NAV2: variants seen among roughly 807,000 people sequenced by gnomAD.
NAV2 encodes helicase, APC down-regulated 1.
A neutral mutation model predicts 223.2 loss-of-function variants in NAV2; 54 were observed. The ratio of observed to expected loss-of-function variants is 0.24; its 90% confidence interval spans 0.19 to 0.30. The LOEUF (loss-of-function observed/expected upper bound fraction) is 0.30, where lower values mean the gene tolerates loss of function less well. Ranked by LOEUF, NAV2 falls within the 10% of genes least tolerant of loss-of-function variation. The probability of loss-of-function intolerance (pLI) is 1.00; values close to 1 mark genes in which losing one functional copy is unlikely to be tolerated. For missense variants in NAV2, 2,806 were observed against 3,147.5 expected (o/e 0.89, Z 2.60); for synonymous variants, 1,279 against 1,239.3 (o/e 1.03, Z -0.67).
At chr11:19,494,430 C>G (rs1027957909) in intron 1 of NAV2, among the ~76,000 whole-genome samples, 1 of 152,184 alleles carries the variant, frequency 6.6e-6, no homozygotes, top group Admixed American at 6.5e-5. Context: ...AATATGTGCT[C>G]TTTGTTAGGA....
At chr11:20,050,509 C>G (rs916703270) in intron 16 of NAV2, among the ~76,000 whole-genome samples, 1 of 151,224 alleles carries the variant, frequency 6.6e-6, no homozygotes, top group African/African-American at 2.4e-5. Context: ...TGGATACTGT[C>G]CTTAATTTTG....
chr11:19,933,862 G>T lies in NAV2; in HGVS notation c.1618G>T (p.Ala540Ser). The T allele has an allele frequency of 6.2e-7, 1 of 1,604,190 alleles. No individual in the cohort carries two copies. Among genetic ancestry groups the T allele is most frequent in the African/African-American group, 1.3e-5 (1 of 74,100 alleles). Residue 540 changes from alanine to serine, a missense_variant, in exon 7 of 38, where the codon GCC becomes TCC. Around this residue, in one of 4 missense-constraint regions of NAV2, gnomAD observed 1,167 missense variants for 1,180.5 expected, o/e 0.99. Coordinates refer to ENST00000349880, the MANE Select transcript of NAV2 (RefSeq NM_145117.5). The surrounding 1 kb of genome is among the most constrained non-coding windows in gnomAD (Gnocchi z 4.3). ...GATGCCAAAAAAGTCCTCCAAGATTGCCAGCTTCATCCCCAAAGGGGGGAA... is the reference window on the plus strand; with the variant it reads ...GATGCCAAAAAAGTCCTCCAAGATTTCCAGCTTCATCCCCAAAGGGGGGAA... ...PEMPKKSSKI[A>S]SFIPKGGKLN...
At chr11:19,493,164 G>T (rs1308956114) in intron 1 of NAV2, among the ~76,000 whole-genome samples, 2 of 150,990 alleles carry the variant, frequency 1.3e-5, no homozygotes, top group African/African-American at 2.4e-5. Flanking sequence ...CTACTCCCCT[G>T]CCCCCTCCCC....
intron 1 of NAV2, among the ~76,000 whole-genome samples, chr11:19,671,681 T>G (rs2135809538): frequency 6.6e-6 from 1 of 152,348 alleles, no homozygotes; most frequent in South Asian, 2.1e-4. Context: ...TCATAAATGT[T>G]TCAGGCTTTG....
In NAV2 at chr11:20,049,904, A is replaced by AATG; in HGVS notation, c.4436+5_4436+7dup. 1 of 1,614,036 alleles carries AATG rather than the reference A, an allele frequency of 6.2e-7. No individual in the cohort carries two copies. Among genetic ancestry groups the AATG allele is most frequent in the Non-Finnish European group, 8.5e-7 (1 of 1,179,922 alleles). ...ACTCTGCCCAGGAAACAGGACAGGT[A>AATG]ATGACATTGCAGGCCGGGGACCAAC... On this transcript the variant is annotated splice_donor_region_variant and intron_variant, in intron 16 of 37. Transcript: ENST00000349880.
chr11:19,687,345 C>A (rs1196836900), intron 1 of NAV2, among the ~76,000 whole-genome samples: 1 of 152,190 alleles, frequency 6.6e-6, no homozygotes, highest in East Asian at 1.9e-4. Context: ...TCCCTCTCAG[C>A]CATAACCTGG....
intron 6 of NAV2, among the ~76,000 whole-genome samples, chr11:19,904,200 A>G (rs550322505): frequency 6.6e-6 from 1 of 152,332 alleles, no homozygotes; most frequent in East Asian, 1.9e-4. Flanking sequence ...TTTATTATAC[A>G]TTCATGTACT....
intron 1 of NAV2, among the ~76,000 whole-genome samples, chr11:19,557,861 G>A (rs533616203): frequency 7.9e-5 from 12 of 152,334 alleles, no homozygotes; most frequent in African/African-American, 2.6e-4. Flanking sequence ...CAGTGGCCAC[G>A]TGGGGGCAGC....
At chr11:19,950,774 T>A (rs1166201257) in intron 10 of NAV2, among the ~76,000 whole-genome samples, 1 of 152,192 alleles carries the variant, frequency 6.6e-6, no homozygotes, top group East Asian at 1.9e-4. Context: ...ACATACAAAT[T>A]TACTTAATGT....
At chr11:19,616,304 C>CTCTGTGTGTG (rs146490839) in intron 1 of NAV2, among the ~76,000 whole-genome samples, 2 of 140,630 alleles carry the variant, frequency 1.4e-5, no homozygotes, top group African/African-American at 5.5e-5. Flanking sequence ...TTGCTTCTGA[C>CTCTGTGTGTG]TGTGTGTGTG....
intron 6 of NAV2, among the ~76,000 whole-genome samples, chr11:19,903,299 C>T (rs952837702): frequency 3.3e-5 from 5 of 152,110 alleles, no homozygotes; most frequent in African/African-American, 7.2e-5. Flanking sequence ...ACCCTGTGGA[C>T]GAATGGTCAT....
intron 5 of NAV2, chr11:19,884,316 C>T: frequency 6.2e-7 from 1 of 1,614,056 alleles, no homozygotes; most frequent in Non-Finnish European, 8.5e-7. Context: ...GGACTCATCT[C>T]AAAGCAAAAT....
intron 1 of NAV2, among the ~76,000 whole-genome samples, chr11:19,663,952 C>A (rs1460330179): frequency 1.3e-5 from 2 of 152,184 alleles, no homozygotes; most frequent in African/African-American, 4.8e-5. Context: ...GCAGGCACCG[C>A]TAAGTACTGA....
At chr11:19,828,176 G>T (rs977462726) in intron 1 of NAV2, among the ~76,000 whole-genome samples, 1 of 150,134 alleles carries the variant, frequency 6.7e-6, no homozygotes, top group Non-Finnish European at 1.5e-5. Flanking sequence ...TTTTAAGGGG[G>T]GGATGGTATA....
At position 19,524,584 on chromosome 11, in the gene NAV2, GC is replaced by G. The variant is rs1288524624; in HGVS notation, c.75+173559del. Among the ~76,000 whole-genome samples, 6 of 152,330 alleles carry G rather than the reference GC, an allele frequency of 3.9e-5. No homozygotes were observed. The East Asian group carries it at 9.6e-4, about 24-fold the overall frequency. ...TCTAGTGAGTTCAGCTCCCAGGGCT[GC>G]CGGCTATGGAGACAGTGAGCTGACG... On this transcript the variant is annotated intron_variant, in intron 1 of 37. Coordinates refer to the NAV2 transcript ENST00000360655.
At chr11:19,777,205 C>A (rs1389873987) in intron 1 of NAV2, among the ~76,000 whole-genome samples, 43 of 151,290 alleles carry the variant, frequency 2.8e-4, no homozygotes, top group Admixed American at 2.8e-3. Flanking sequence ...GCGGGGAGGC[C>A]GGCGGGGAGC....
chr11:19,659,996 A>G (rs1027865411), intron 1 of NAV2, among the ~76,000 whole-genome samples: 3 of 152,150 alleles, frequency 2.0e-5, no homozygotes, highest in African/African-American at 4.8e-5. Context: ...ATACTAGTCT[A>G]TTGATCATTT....
chr11:19,749,550 C>T (rs1040566611), intron 1 of NAV2, among the ~76,000 whole-genome samples: 11 of 152,090 alleles, frequency 7.2e-5, no homozygotes, highest in African/African-American at 2.4e-4. Flanking sequence ...GATGTCAAGA[C>T]GTCTGAATTA....
chr11:19,482,600 C>G (rs1253667140), intron 1 of NAV2, among the ~76,000 whole-genome samples: 1 of 152,140 alleles, frequency 6.6e-6, no homozygotes, highest in Non-Finnish European at 1.5e-5. Context: ...GCTACTCTGA[C>G]CACACCAGCA....
Sources: gnomAD v4.1 joint callset for allele counts (sites outside exome capture counted in the v4.1 genomes callset) on GRCh38, gnomAD v4.1.1 for gene constraint, gnomAD v4.1.1 regional missense constraint, Gnocchi (gnomAD v3.1) non-coding constraint, MANE v1.5 for transcripts, NCBI Gene and HGNC (gene_info 2026-07-23, HGNC 2026-07-21) for gene names.